Variants in MYH15 observed in about 807,000 individuals in gnomAD.
MYH15 encodes the protein myosin heavy chain 15, also known as myosin-15.
MYH15 carries 227 observed loss-of-function variants against 240.5 expected under a neutral mutation model. That is an observed-to-expected ratio of 0.94 (90% confidence interval 0.85 to 1.05). The LOEUF (loss-of-function observed/expected upper bound fraction) is 1.05. MYH15 is among the 50% of genes least tolerant of loss of function. The probability of loss-of-function intolerance (pLI) is 0.00; values close to 1 mark genes in which losing one functional copy is unlikely to be tolerated. For synonymous variants in MYH15, 785 were observed against 796.7 expected (o/e 0.99, Z 0.25); for missense variants, 2,217 against 2,247.5 (o/e 0.99, Z 0.27).
intron 22 of MYH15, among the ~76,000 whole-genome samples, chr3:108,442,010 T>C (rs1320075826): frequency 6.6e-6 from 1 of 152,218 alleles, no homozygotes; most frequent in African/African-American, 2.4e-5. Context: ...GCACCTTTCA[T>C]AACTTTAGAC....
chr3:108,444,455 C>CTAA (rs2082910392), intron 22 of MYH15, among the ~76,000 whole-genome samples, 185 bp downstream of exon 22: 1 of 152,144 alleles, frequency 6.6e-6, no homozygotes, highest in South Asian at 2.1e-4. Context: ...AGACATCTTG[C>CTAA]CAATTAAATC....
chr3:108,386,113 C>A (rs984484488), intron 38 of MYH15, among the ~76,000 whole-genome samples: 1 of 152,186 alleles, frequency 6.6e-6, no homozygotes, highest in Non-Finnish European at 1.5e-5. Flanking sequence ...AGACTCATAG[C>A]ATTATGTGCT....
At chr3:108,529,422 T>A, upstream of MYH15, 1 of 602,142 alleles carries the variant, frequency 1.7e-6, no homozygotes, top group Non-Finnish European at 2.9e-6. Flanking sequence ...ACATACAAGA[T>A]ATATTTAGTC....
chr3:108,390,805 TTAATTA>T, intron 37 of MYH15, among the ~76,000 whole-genome samples: 1 of 152,356 alleles, frequency 6.6e-6, no homozygotes. Context: ...ACTTGTTTTT[TTAATTA>T]TAAAGTATGC....
intron 1 of MYH15, among the ~76,000 whole-genome samples, chr3:108,506,808 A>G (rs949502490): frequency 6.6e-6 from 1 of 152,186 alleles, no homozygotes; most frequent in Non-Finnish European, 1.5e-5. Context: ...TGAGGCGGGC[A>G]GATCACGAGG....
chr3:108,483,401 T>C (rs2083281894), intron 11 of MYH15, among the ~76,000 whole-genome samples: 1 of 148,826 alleles, frequency 6.7e-6, no homozygotes, highest in Non-Finnish European at 1.5e-5. Context: ...TTTATACCCA[T>C]GAAGATGGCT....
At chr3:108,465,475 T>G (rs2083106818) in intron 14 of MYH15, among the ~76,000 whole-genome samples, 1 of 152,140 alleles carries the variant, frequency 6.6e-6, no homozygotes, top group South Asian at 2.1e-4. Context: ...TCATTTTAAA[T>G]GTAATAGGAA....
chr3:108,514,200 G>A (rs1401162370), upstream of MYH15, among the ~76,000 whole-genome samples: 6 of 152,114 alleles, frequency 3.9e-5, no homozygotes, highest in Non-Finnish European at 7.4e-5. Flanking sequence ...CTGTCTTCCC[G>A]GAACTGAGGT....
intron 18 of MYH15, among the ~76,000 whole-genome samples, chr3:108,457,822 C>T (rs1172624665): frequency 6.6e-6 from 1 of 152,080 alleles, no homozygotes; most frequent in Non-Finnish European, 1.5e-5. Flanking sequence ...TCACTTGAGG[C>T]CAGGAGTTCG....
At chr3:108,524,723 C>A (rs1338523257) in intron 1 of MYH15, among the ~76,000 whole-genome samples, 1 of 151,922 alleles carries the variant, frequency 6.6e-6, no homozygotes, top group Non-Finnish European at 1.5e-5. Flanking sequence ...AACAGAAAAA[C>A]CTCAAAATAA....
intron 26 of MYH15, 80 bp from the exon 27 acceptor site, chr3:108,428,961 A>C: frequency 7.1e-7 from 1 of 1,400,986 alleles, no homozygotes; most frequent in Non-Finnish European, 9.6e-7. Context: ...TCACAAAGCT[A>C]ACATGAAACT....
chr3:108,473,871 G>A (rs2083197249), intron 12 of MYH15, among the ~76,000 whole-genome samples: 1 of 152,140 alleles, frequency 6.6e-6, no homozygotes, highest in African/African-American at 2.4e-5. Flanking sequence ...GCATTTTCTG[G>A]TTGTCACAGT....
intron 12 of MYH15, among the ~76,000 whole-genome samples, chr3:108,471,610 C>A (rs1438379588): frequency 6.6e-6 from 1 of 152,074 alleles, no homozygotes; most frequent in African/African-American, 2.4e-5. Flanking sequence ...TAGCAAGAAT[C>A]CTGTTAGGTC....
At chr3:108,545,340 A>G in the MYH15 span, among the ~76,000 whole-genome samples, 1 of 152,106 alleles carries the variant, frequency 6.6e-6, no homozygotes, top group Non-Finnish European at 1.5e-5. Context: ...TCAATTGGCC[A>G]AAGGTTTGAT....
intron 3 of MYH15, among the ~76,000 whole-genome samples, chr3:108,501,418 G>A (rs558826469): frequency 2.2e-4 from 34 of 152,306 alleles, no homozygotes; most frequent in African/African-American, 7.5e-4. Context: ...TATAGATAAG[G>A]CAACTTCAAG....
At chr3:108,476,865 T>C (rs763211131) in intron 11 of MYH15, among the ~76,000 whole-genome samples, 5 of 152,152 alleles carry the variant, frequency 3.3e-5, no homozygotes, top group Non-Finnish European at 5.9e-5. Context: ...TCATGCATTG[T>C]GGGTGGGAAT....
chr3:108,528,801 C>T (rs2083692584), intron 1 of MYH15, among the ~76,000 whole-genome samples: 1 of 152,184 alleles, frequency 6.6e-6, no homozygotes, highest in South Asian at 2.1e-4. Context: ...ATGCTCTTAA[C>T]TATTCTGACT....
intron 32 of MYH15, among the ~76,000 whole-genome samples, chr3:108,406,867 T>C (rs552767928): frequency 6.6e-6 from 1 of 152,314 alleles, no homozygotes; most frequent in South Asian, 2.1e-4. Context: ...GCCTCTGTGT[T>C]ATACAGGACA....
chr3:108,472,638 C>T (rs568015938), intron 12 of MYH15, among the ~76,000 whole-genome samples: 30 of 152,334 alleles, frequency 2.0e-4, no homozygotes, highest in African/African-American at 6.7e-4. Flanking sequence ...TGCTCACCCC[C>T]TTTTAATTCC....
Sources: allele counts gnomAD v4.1 joint callset (sites outside exome capture counted in the v4.1 genomes callset), GRCh38; gene constraint gnomAD v4.1.1; transcripts MANE v1.5; gene names NCBI Gene and HGNC (gene_info 2026-07-23, HGNC 2026-07-21).